The following TAF2 variants were observed in gnomAD, a reference collection of about 807,000 sequenced individuals.
The protein encoded by TAF2 is transcription initiation factor TFIID subunit 2.
TAF2 carries 61 observed loss-of-function variants against 138.5 expected under a neutral mutation model. The observed-to-expected ratio is 0.44, with a 90% CI of 0.36 to 0.54. TAF2 has a LOEUF of 0.54. Ranked by LOEUF, TAF2 falls within the 20% of genes least tolerant of loss-of-function variation. The pLI is 0.00. For synonymous variants in TAF2, 475 were observed against 469.9 expected, an observed-to-expected ratio of 1.01 and a Z score of -0.14; for missense variants, 1,090 against 1,427.9, an observed-to-expected ratio of 0.76 and a Z score of 3.81.
At position 119,783,514 on chromosome 8, in the gene TAF2, A is replaced by G; in HGVS notation, c.1979T>C (p.Val660Ala). ...QYQLRYERDVVAQQESILALE... is the reference protein window; with the variant it reads ...QYQLRYERDVAAQQESILALE... ...AGCCAAAATGGATTCCTGCTGTGCAACAACATCTCTCTCATAGCGGAGCTG... is the reference window on the plus strand; with the variant it reads ...AGCCAAAATGGATTCCTGCTGTGCAGCAACATCTCTCTCATAGCGGAGCTG... The change falls in exon 16 of 26, where the codon GTT (valine) becomes GCT (alanine). Residue 660 changes from valine to alanine, a missense_variant. Val to Ala is a moderately conservative substitution (Grantham distance 64). Coordinates refer to ENST00000378164, the MANE Select transcript of TAF2 (RefSeq NM_003184.4). The G allele has an allele frequency of 6.2e-7, 1 of 1,614,154 alleles. No individual in the cohort carries two copies. Among genetic ancestry groups the G allele is most frequent in the South Asian group, 1.1e-5 (1 of 91,082 alleles).
In TAF2 at chr8:119,731,801, T is replaced by G. The variant is rs554432331; in HGVS notation, c.*123A>C. On this transcript the variant is annotated 3_prime_UTR_variant, in exon 26 of 26. Coordinates refer to ENST00000378164, the MANE Select transcript of TAF2 (RefSeq NM_003184.4). ...TCAAATGCTTAGAACTTAAATGAAT[T>G]CAGAATTTCTGTAGGAGAGGCGAAT... 7.4e-6 allele frequency: 7 copies of G among 941,948 alleles called. No homozygotes were observed. The South Asian group carries it at 9.6e-5, about 13-fold the overall frequency. The allele number at this position is 941,948 out of a possible 1,614,324, so 58.3% of individuals were successfully genotyped here. A position where few individuals can be genotyped will look rare whatever the true frequency, so the allele number is the denominator to read the frequency against.
chr8:119,783,237 CT>C, intron 16 of TAF2, 143 bp downstream of exon 16: 1 of 826,152 alleles, frequency 1.2e-6, no homozygotes. Flanking sequence ...CAAAACAGTC[CT>C]ATTAATTTAA....
chr8:119,785,170 T>A, intron 15 of TAF2, 31 bp downstream of exon 15: 1 of 1,563,230 alleles, frequency 6.4e-7, no homozygotes, highest in Non-Finnish European at 8.8e-7. Flanking sequence ...CAGAAAGTAT[T>A]ATAACCTTAT....
At chr8:119,771,720 T>C (rs1821853336) in intron 18 of TAF2, among the ~76,000 whole-genome samples, 1 of 152,086 alleles carries the variant, frequency 6.6e-6, no homozygotes, top group African/African-American at 2.4e-5. Context: ...AAGAAGAGAT[T>C]GACAGCAATG....
Position 119,744,357 on chromosome 8 carries a change from C to T in TAF2, c.3145G>A (p.Asp1049Asn), listed in dbSNP as rs1819804698. 6.2e-7 allele frequency: 1 copy of T among 1,613,638 alleles called. No individual in the cohort carries two copies. Among genetic ancestry groups the T allele is most frequent in the Non-Finnish European group, 8.5e-7 (1 of 1,179,866 alleles). The change falls in exon 24 of 26, where the codon GAT (aspartate) becomes AAT (asparagine). Residue 1049 changes from aspartate to asparagine, a missense_variant. Asp to Asn is a conservative substitution (Grantham distance 23). Coordinates refer to ENST00000378164, the MANE Select transcript of TAF2 (RefSeq NM_003184.4). Reference sequence around the variant, plus strand: ...AAGGCCTGGCTATCATGAACAGTATCCATATCAATCTCCTCCTCATCTTGA... The same window carrying T: ...AAGGCCTGGCTATCATGAACAGTATTCATATCAATCTCCTCCTCATCTTGA... ...SSQDEEEIDM[D>N]TVHDSQAFIS...
intron 25 of TAF2, 128 bp from the exon 26 acceptor site, chr8:119,732,314 G>C (rs145392966): frequency 0.015 from 12,136 of 822,422 alleles, 147 homozygotes; most frequent in Non-Finnish European, 0.018. Flanking sequence ...TCAGGAATGG[G>C]AGAAGTATCT....
rs116839692 is a variant in TAF2 at position 119,818,299 on chromosome 8, G to A, written c.299+1047C>T. On this transcript the variant is annotated intron_variant, in intron 3 of 25. Transcript: ENST00000378164. ...GTAGAACAAGTTCCCAGTTGATGCTGATGCTTGTCTGGGAATCACACTTTA... is the reference window on the plus strand; with the variant it reads ...GTAGAACAAGTTCCCAGTTGATGCTAATGCTTGTCTGGGAATCACACTTTA... Among the ~76,000 whole-genome samples, 1,378 of 152,296 alleles carry A rather than the reference G, an allele frequency of 9.0e-3. 20 individuals are homozygous for A. Among genetic ancestry groups the A allele is most frequent in the African/African-American group, 0.032 (1,314 of 41,552 alleles).
chr8:119,761,288 C>G (rs539092375), intron 19 of TAF2, among the ~76,000 whole-genome samples: 1 of 152,062 alleles, frequency 6.6e-6, no homozygotes, highest in Non-Finnish European at 1.5e-5. Context: ...GCTTTATAGC[C>G]TAAGAGCAAC....
intron 18 of TAF2, among the ~76,000 whole-genome samples, chr8:119,768,686 C>T (rs1299781833): frequency 1.3e-5 from 2 of 152,218 alleles, no homozygotes; most frequent in African/African-American, 4.8e-5. Flanking sequence ...CGGGTCTGAG[C>T]TTAGGCTGAC....
At chr8:119,771,437 T>A (rs13274245) in intron 18 of TAF2, among the ~76,000 whole-genome samples, 15 of 151,966 alleles carry the variant, frequency 9.9e-5, no homozygotes, top group Non-Finnish European at 2.1e-4. Context: ...GGTTTCACCA[T>A]GTTGGCCAGG....
Position 119,819,438 on chromosome 8 carries a change from CTGTT to C in TAF2, c.203_206del (p.Lys68SerfsTer7). On this transcript the variant is annotated frameshift_variant, in exon 3 of 26. Coordinates refer to ENST00000378164, the MANE Select transcript of TAF2 (RefSeq NM_003184.4). LOFTEE classifies it high-confidence loss of function. ...TGATCCTTACTCGGTATATTCTACACTGTTTGCTGTTCAACTTGATTCTATTCAA... is the reference window on the plus strand; with the variant it reads ...TGATCCTTACTCGGTATATTCTACACTGCTGTTCAACTTGATTCTATTCAA... 6.2e-7 allele frequency: 1 copy of C among 1,612,018 alleles called. No homozygotes were observed. Among genetic ancestry groups the C allele is most frequent in the Non-Finnish European group, 8.5e-7 (1 of 1,179,380 alleles).
At chr8:119,793,558 T>C (rs1453957634) in intron 9 of TAF2, 107 bp from the exon 10 acceptor site, 3 of 826,080 alleles carry the variant, frequency 3.6e-6, no homozygotes, top group Non-Finnish European at 5.9e-6. Context: ...AAAATCAGAA[T>C]GTAAATTTCT....
chr8:119,831,645 T>G (rs751950334), intron 2 of TAF2, 32 bp downstream of exon 2: 3 of 1,527,364 alleles, frequency 2.0e-6, no homozygotes, highest in Non-Finnish European at 2.7e-6. Context: ...AGTGGACTTG[T>G]TACTATTTAT....
intron 18 of TAF2, among the ~76,000 whole-genome samples, chr8:119,766,775 T>C (rs1821452799): frequency 6.6e-6 from 1 of 150,712 alleles, no homozygotes; most frequent in Non-Finnish European, 1.5e-5. Context: ...CAGAGGTTGC[T>C]GTGGGCCGAG....
intron 18 of TAF2, among the ~76,000 whole-genome samples, chr8:119,764,222 C>A (rs1821272514): frequency 1.3e-5 from 2 of 152,072 alleles, no homozygotes; most frequent in African/African-American, 4.8e-5. Context: ...GATATTAGAT[C>A]ATCTATGTTT....
chr8:119,807,853 C>A (rs1465076259), intron 3 of TAF2, among the ~76,000 whole-genome samples: 1 of 152,016 alleles, frequency 6.6e-6, no homozygotes, highest in African/African-American at 2.4e-5. Context: ...GCCTGGGAGG[C>A]GGAAGTTGCA....
At chr8:119,806,468 T>TC in intron 3 of TAF2, 67 bp from the exon 4 acceptor site, 1 of 1,109,794 alleles carries the variant, frequency 9.0e-7, no homozygotes, top group Non-Finnish European at 1.3e-6. Context: ...TTTCTTTCTT[T>TC]CTTTTTTTTT....
chr8:119,783,292 A>AT, intron 16 of TAF2, 89 bp downstream of exon 16: 1 of 1,500,196 alleles, frequency 6.7e-7, no homozygotes, highest in Non-Finnish European at 9.0e-7. Context: ...TACCAAGTAA[A>AT]TTTAAAGACT....
chr8:119,760,920 C>T (rs1821021096), intron 19 of TAF2, among the ~76,000 whole-genome samples, 182 bp from the exon 20 acceptor site: 1 of 152,140 alleles, frequency 6.6e-6, no homozygotes, highest in African/African-American at 2.4e-5. Context: ...TGATGAACTG[C>T]ATATACAATG....
Sources: allele counts gnomAD v4.1 joint callset (sites outside exome capture counted in the v4.1 genomes callset), GRCh38; gene constraint gnomAD v4.1.1; transcripts MANE v1.5; gene names NCBI Gene and HGNC (gene_info 2026-07-23, HGNC 2026-07-21).